The following CEP250 variants were observed in gnomAD, a reference collection of about 807,000 sequenced individuals.
The protein encoded by CEP250 is centrosomal protein 250, also known as centrosome-associated protein CEP250.
A neutral mutation model predicts 315.7 loss-of-function variants in CEP250; 242 were observed. The ratio of observed to expected loss-of-function variants is 0.77; its 90% CI spans 0.69 to 0.85. The LOEUF (loss-of-function observed/expected upper bound fraction) is 0.85. Among genes scored for constraint, CEP250 ranks in the 40% least tolerant of loss-of-function variants. The probability of loss-of-function intolerance (pLI) is 0.00; values close to 1 mark genes in which losing one functional copy is unlikely to be tolerated. For synonymous variants in CEP250, 1,088 were observed against 1,175.0 expected, an observed-to-expected ratio of 0.93 and a Z score of 1.51; for missense variants, 2,515 against 2,886.4, an observed-to-expected ratio of 0.87 and a Z score of 2.95.
intron 34 of CEP250, 106 bp downstream of exon 34, chr20:35,510,160 TC>T: frequency 9.4e-7 from 1 of 1,059,248 alleles, no homozygotes; most frequent in East Asian, 2.4e-5. Context: ...AACTTCAGTC[TC>T]CATGGGAGGC....
At chr20:35,496,753 C>T (rs1483677725) in intron 25 of CEP250, 38 bp downstream of exon 25, 1 of 1,588,724 alleles carries the variant, frequency 6.3e-7, no homozygotes, top group South Asian at 1.1e-5. Context: ...GCATCCCTGG[C>T]AGAAGCCTGA....
At chr20:35,493,398 C>T (rs1283094345) in intron 22 of CEP250, 31 bp from the exon 23 acceptor site, 1 of 1,510,074 alleles carries the variant, frequency 6.6e-7, no homozygotes, top group South Asian at 1.3e-5. Context: ...CACAGATTTC[C>T]TCTACTCAAT....
chr20:35,510,903 A>G (rs2064335679), intron 34 of CEP250, among the ~76,000 whole-genome samples: 1 of 152,128 alleles, frequency 6.6e-6, no homozygotes, highest in Non-Finnish European at 1.5e-5. Context: ...GCTGACACAC[A>G]GGAATCACTT....
chr20:35,471,908 C>A (rs1334824054), intron 10 of CEP250, 142 bp from the exon 11 acceptor site: 3 of 617,942 alleles, frequency 4.9e-6, no homozygotes, highest in Non-Finnish European at 5.9e-6. Context: ...ACTCTTCAGA[C>A]AACATTAGCA....
Position 35,517,021 on chromosome 20 carries a change from G to A in CEP250, c.*5395G>A, listed in dbSNP as rs1415535908. 9.1e-6 allele frequency: 9 copies of A among 985,384 alleles called. No homozygotes were observed. Among genetic ancestry groups the A allele is most frequent in the Middle Eastern group, 5.2e-4 (1 of 1,940 alleles). The allele number at this position is 985,384 out of a possible 1,614,324, so 61.0% of individuals were successfully genotyped here. A position where few individuals can be genotyped will look rare whatever the true frequency, so the allele number is the denominator to read the frequency against. On this transcript the variant is annotated 3_prime_UTR_variant, in exon 35 of 35. Coordinates refer to ENST00000397527, the MANE Select transcript of CEP250 (RefSeq NM_007186.6). Reference sequence around the variant, plus strand: ...CAAGTGGCATGCTGACTCAGACACCGGGCACTGAGAAAAGTGGGAAGCCAT... The same window carrying A: ...CAAGTGGCATGCTGACTCAGACACCAGGCACTGAGAAAAGTGGGAAGCCAT...
At chr20:35,509,110 C>G in intron 33 of CEP250, 66 bp downstream of exon 33, 1 of 1,316,162 alleles carries the variant, frequency 7.6e-7, no homozygotes, top group Non-Finnish European at 1.1e-6. Flanking sequence ...ACTCAGCCCT[C>G]CTCATTGCAT....
At chr20:35,473,339 T>C (rs761143036) in intron 12 of CEP250, 35 bp from the exon 13 acceptor site, 7 of 1,573,594 alleles carry the variant, frequency 4.4e-6, no homozygotes, top group Admixed American at 1.8e-5. Context: ...TTTGCCCTTG[T>C]TCATCATCTG....
chr20:35,506,656 AATAT>A (rs1470398156), intron 30 of CEP250, among the ~76,000 whole-genome samples: 1 of 152,202 alleles, frequency 6.6e-6, no homozygotes, highest in African/African-American at 2.4e-5. Context: ...GGTGAAGGGC[AATAT>A]GAGGAGAAGG....
chr20:35,504,884 A>G lies in CEP250; in HGVS notation c.6515A>G (p.Lys2172Arg), dbSNP rs781529518. Residue 2172 changes from lysine (K) to arginine (R), a missense_variant, in exon 30 of 35, where the codon AAG (lysine) becomes AGG (arginine). Coordinates refer to ENST00000397527, the MANE Select transcript of CEP250 (RefSeq NM_007186.6). ...GCCAGGGAGATTGAGTGGAGGGAGA[A>G]GGCCCAGGACTTGGCACTCTCCCTA... ...TEAREIEWRE[K>R]AQDLALSLAQ... is the part of the protein sequence containing the mutation. 5.6e-6 allele frequency: 9 copies of G among 1,614,190 alleles called. No individual in the cohort carries two copies. The highest frequency in any genetic ancestry group is 7.6e-6 in the Non-Finnish European group (9 of 1,180,022).
At chr20:35,502,066 G>C (rs1020533013) in intron 29 of CEP250, 100 bp downstream of exon 29, 9 of 1,379,696 alleles carry the variant, frequency 6.5e-6, no homozygotes, top group Admixed American at 4.4e-5. Context: ...CAGCAAGTCT[G>C]TCAGTTCCTC....
chr20:35,504,661 G>A lies in CEP250; in HGVS notation c.6292G>A (p.Glu2098Lys). Residue 2098 changes from glutamate to lysine, a missense_variant, in exon 30 of 35, where the codon GAG becomes AAG. Transcript: ENST00000397527. ...AAGGGGCCTTCATCAGAGTGTAAGG[G>A]AGCTACAGCTGACTCTAGCCCAAAA... ...EIRGLHQSVRELQLTLAQKEQ... is the reference protein window; with the variant it reads ...EIRGLHQSVRKLQLTLAQKEQ... 6.2e-7 allele frequency: 1 copy of A among 1,614,180 alleles called. No homozygotes were observed. Among genetic ancestry groups the A allele is most frequent in the Non-Finnish European group, 8.5e-7 (1 of 1,180,032 alleles).
At chr20:35,456,911 A>C (rs1438022104) in intron 1 of CEP250, among the ~76,000 whole-genome samples, 1 of 151,438 alleles carries the variant, frequency 6.6e-6, no homozygotes, top group East Asian at 1.9e-4. Flanking sequence ...CCTCCTGAGT[A>C]GCTGGGATTA....
chr20:35,499,955 AC>A, intron 27 of CEP250, 93 bp from the exon 28 acceptor site: 7 of 1,528,404 alleles, frequency 4.6e-6, no homozygotes, highest in Non-Finnish European at 6.3e-6. Context: ...ATGGCGGCCC[AC>A]CACAGAAGCT....
chr20:35,472,786 T>TA lies in CEP250; in HGVS notation c.1165dup (p.Thr389AsnfsTer36). On this transcript the variant is annotated frameshift_variant, in exon 12 of 35. Transcript: ENST00000397527. LOFTEE classifies it high-confidence loss of function. ...ATTACCAGGATGCAGACAAGGCTCT[T>TA]ACTCTGGTGCGTTCAGTGCTGACTC... is the stretch of plus-strand genomic sequence containing the variant. The TA allele has an allele frequency of 6.2e-7, 1 of 1,614,206 alleles. No individual in the cohort carries two copies. Among genetic ancestry groups the TA allele is most frequent in the Non-Finnish European group, 8.5e-7 (1 of 1,180,036 alleles).
chr20:35,489,589 C>T (rs566463533), intron 20 of CEP250, among the ~76,000 whole-genome samples: 1 of 152,298 alleles, frequency 6.6e-6, no homozygotes, highest in East Asian at 1.9e-4. Flanking sequence ...AAAGATTCTC[C>T]ACCCAGGCAG....
At chr20:35,465,236 A>G (rs1390045362) in intron 5 of CEP250, among the ~76,000 whole-genome samples, 1 of 152,112 alleles carries the variant, frequency 6.6e-6, no homozygotes, top group South Asian at 2.1e-4. Context: ...CCTGGCCAAC[A>G]TGGCGAAACC....
chr20:35,475,699 C>G, intron 15 of CEP250, 53 bp downstream of exon 15: 1 of 1,583,642 alleles, frequency 6.3e-7, no homozygotes, highest in Non-Finnish European at 8.6e-7. Flanking sequence ...AAAGTGTGTT[C>G]CCATGCAGCC....
intron 10 of CEP250, 26 bp downstream of exon 10, chr20:35,470,012 G>GATC: frequency 1.3e-6 from 2 of 1,533,586 alleles, no homozygotes; most frequent in Non-Finnish European, 1.8e-6. Flanking sequence ...CTCTGGAAAG[G>GATC]AGTTGGGCGT....
In CEP250 at chr20:35,511,960, G is replaced by A. The variant is rs10359; in HGVS notation, c.*334G>A. 0.73 allele frequency: 806,161 copies of A among 1,100,780 alleles called. 303,053 individuals are homozygous for A. The highest frequency in any genetic ancestry group is 0.77 in the Non-Finnish European group (697,522 of 904,024). 68.2% of individuals were successfully genotyped at this position (1,100,780 alleles called of 1,614,324 possible). ...TCTTCTCCTTCAACAATAAACCCTG[G>A]GATCTTTGCATTCATTTTCTGCTGC... On this transcript the variant is annotated 3_prime_UTR_variant, in exon 35 of 35. Transcript: ENST00000397527.
Sources: gnomAD v4.1 joint callset for allele counts (sites outside exome capture counted in the v4.1 genomes callset) on GRCh38, gnomAD v4.1.1 for gene constraint, MANE v1.5 for transcripts, NCBI Gene and HGNC (gene_info 2026-07-23, HGNC 2026-07-21) for gene names.